Variants in GEN1 observed in about 807,000 individuals in gnomAD.
The protein encoded by GEN1 is GEN1 structure-specific endonuclease, also known as flap endonuclease GEN homolog 1.
In GEN1, 64 loss-of-function variants were observed where a neutral mutation model predicts 67.6. The ratio of observed to expected loss-of-function variants is 0.95; its 90% CI spans 0.77 to 1.17. GEN1 has a LOEUF of 1.17. Ranked by LOEUF, GEN1 falls within the 50% of genes most tolerant of loss-of-function variation. The pLI, the probability that GEN1 is intolerant of heterozygous loss-of-function variation, is 0.00. For missense variants in GEN1, 1,058 were observed against 1,048.3 expected, an observed-to-expected ratio of 1.01 and a Z score of -0.13; for synonymous variants, 371 against 359.4, an observed-to-expected ratio of 1.03 and a Z score of -0.37.
intron 6 of GEN1, 57 bp downstream of exon 6, chr2:17,768,868 T>C: frequency 9.5e-7 from 1 of 1,047,432 alleles, no homozygotes. Context: ...CTGAACTTAA[T>C]AACGAATAGT....
chr2:17,759,270 A>G (rs913535510), intron 1 of GEN1, among the ~76,000 whole-genome samples: 40 of 152,246 alleles, frequency 2.6e-4, no homozygotes, highest in Non-Finnish European at 3.2e-4. Context: ...AAGCTGGCCT[A>G]TAGAAAATAC....
rs1487888619 is a variant in GEN1, at chr2:17,788,723, C to A, written c.*6784C>A. 2 of 152,364 alleles carry A rather than the reference C, an allele frequency of 1.3e-5. No homozygotes were observed. Among genetic ancestry groups the A allele is most frequent in the African/African-American group, 4.8e-5 (2 of 41,592 alleles). 9.4% of individuals were successfully genotyped at this position (152,364 alleles called of 1,614,324 possible). On this transcript the variant is annotated 3_prime_UTR_variant, in exon 14 of 14. Coordinates refer to ENST00000381254, the MANE Select transcript of GEN1 (RefSeq NM_001130009.3). ...AGTTAAATCTTCATCTACCACCCAA[C>A]TGATACCTGCCTTTCTGTGAGTGAA...
At chr2:17,755,665 T>C (rs1671400065) in intron 1 of GEN1, 1 of 152,220 alleles carries the variant, frequency 6.6e-6, no homozygotes, top group Non-Finnish European at 1.5e-5. Flanking sequence ...AATTTAAGCA[T>C]TTTCTGCTTT....
intron 3 of GEN1, among the ~76,000 whole-genome samples, chr2:17,763,057 T>A (rs1448837181): frequency 6.6e-6 from 1 of 152,248 alleles, no homozygotes; most frequent in East Asian, 1.9e-4. Context: ...TTTACCTACT[T>A]ACCTCTTGAG....
chr2:17,771,816 G>A (rs758946487), intron 7 of GEN1, among the ~76,000 whole-genome samples: 21 of 149,680 alleles, frequency 1.4e-4, no homozygotes, highest in Non-Finnish European at 2.5e-4. Flanking sequence ...TACGGAACAC[G>A]TACTGGATCA....
At position 17,773,090 on chromosome 2, in the gene GEN1, T is replaced by C. The variant is rs778398512; in HGVS notation, c.954-6T>C. On this transcript the variant is annotated splice_polypyrimidine_tract_variant and splice_region_variant and intron_variant, in intron 8 of 13. Coordinates refer to ENST00000381254, the MANE Select transcript of GEN1 (RefSeq NM_001130009.3). ...AGTAATAACATGTATATAATTTTTT[T>C]TTCAGGAAAGCTTGCTGTTGTGAGG... 1.9e-6 allele frequency: 3 copies of C among 1,564,166 alleles called. No individual in the cohort carries two copies. In the South Asian group the frequency reaches 3.4e-5, roughly 18 times the overall value.
At position 17,781,569 on chromosome 2, in the gene GEN1, C is replaced by G. The variant is rs537198684; in HGVS notation, c.2357C>G (p.Thr786Ser). ...AGTAGAAAAGTTGATATGCAAACCA[C>G]TCGGAAAATTTTAATGAAGAAGAGT... The part of the protein sequence containing the change: ...DHSRKVDMQT[T>S]RKILMKKSVC... The change falls in exon 14 of 14, where the codon ACT becomes AGT. Residue 786 changes from threonine to serine, a missense_variant. By Grantham distance (58) the Thr-to-Ser change is moderately conservative. Coordinates refer to ENST00000381254, the MANE Select transcript of GEN1 (RefSeq NM_001130009.3). 1 of 1,613,920 alleles carries G rather than the reference C, an allele frequency of 6.2e-7. No homozygotes were observed. Among genetic ancestry groups the G allele is most frequent in the South Asian group, 1.1e-5 (1 of 91,068 alleles).
chr2:17,768,632 G>T, intron 5 of GEN1, 106 bp from the exon 6 acceptor site: 1 of 769,756 alleles, frequency 1.3e-6, no homozygotes, highest in Non-Finnish European at 2.2e-6. Context: ...CTTTATTGAA[G>T]AGTTACCTCA....
rs1235376125 is a variant in GEN1, at chr2:17,778,339, T to TAC, written c.1264+284_1264+285dup. 3.9e-3 allele frequency among the ~76,000 whole-genome samples: 147 copies of TAC among 37,960 alleles called. 54 individuals are homozygous for TAC. Among genetic ancestry groups the TAC allele is most frequent in the Non-Finnish European group, 2.1e-3 (38 of 17,976 alleles). 24.9% of individuals were successfully genotyped at this position (37,960 alleles called of 152,430 possible). The stretch of plus-strand genomic sequence containing the variant: ...ACACACACACGTGTACATATATGTA[T>TAC]ACACACACATGTGTGTACATATATG... On this transcript the variant is annotated intron_variant, in intron 12 of 13. Coordinates refer to ENST00000381254, the MANE Select transcript of GEN1 (RefSeq NM_001130009.3).
rs1673023410 is a variant in GEN1 at position 17,785,382 on chromosome 2, C to T, written c.*3443C>T. On this transcript the variant is annotated 3_prime_UTR_variant, in exon 14 of 14. Transcript: ENST00000381254. ...CTTGTAAATCAAATCTTTTAAGTTG[C>T]TGCTTACGTATTTGCTCATCACTTC... 1 of 152,180 alleles carries T rather than the reference C, an allele frequency of 6.6e-6. No homozygotes were observed. Among genetic ancestry groups the T allele is most frequent in the African/African-American group, 2.4e-5 (1 of 41,444 alleles). The allele number at this position is 152,180 out of a possible 1,614,324, so 9.4% of individuals were successfully genotyped here. A position where few individuals can be genotyped will look rare whatever the true frequency, so the allele number is the denominator to read the frequency against.
At position 17,774,401 on chromosome 2, in the gene GEN1, G is replaced by A. The variant is rs755927285; in HGVS notation, c.1202G>A (p.Arg401Gln). 5.0e-6 allele frequency: 8 copies of A among 1,597,376 alleles called. No individual in the cohort carries two copies. Among genetic ancestry groups the A allele is most frequent in the Admixed American group, 3.4e-5 (2 of 58,122 alleles). ...SRNSNQLQPIRIVKTRIRNGV... is the reference protein window; with the variant it reads ...SRNSNQLQPIQIVKTRIRNGV... ...AACTCTAATCAACTACAGCCAATTCGGTAATGTAAAGAACTGTATGGTGAA... is the reference window on the plus strand; with the variant it reads ...AACTCTAATCAACTACAGCCAATTCAGTAATGTAAAGAACTGTATGGTGAA... Residue 401 changes from arginine (R) to glutamine (Q), a missense_variant and splice_region_variant, in exon 11 of 14, where the codon CGA (arginine) becomes CAA (glutamine). By Grantham distance (43) the Arg-to-Gln change is conservative. Coordinates refer to ENST00000381254, the MANE Select transcript of GEN1 (RefSeq NM_001130009.3).
At chr2:17,757,675 C>CG (rs1671494519) in intron 1 of GEN1, among the ~76,000 whole-genome samples, 4 of 152,148 alleles carry the variant, frequency 2.6e-5, no homozygotes, top group Non-Finnish European at 5.9e-5. Context: ...TTTCTCTTCC[C>CG]TCAAAAAGCT....
In GEN1 at chr2:17,781,645, G is replaced by T. The variant is rs778017011; in HGVS notation, c.2433G>T (p.Gly811=). 19 of 1,613,888 alleles carry T rather than the reference G, an allele frequency of 1.2e-5. No homozygotes were observed. The East Asian group carries it at 3.8e-4, about 32-fold the overall frequency. ...ATGAACAAAGTGCCCCAGTGTTTGG[G>T]AAAGCTAAGTACACAACTCAAAGAA... ...SSDEQSAPVF[G]KAKYTTQRMK... The change falls in exon 14 of 14, where the codon GGG becomes GGT. Residue 811 remains glycine, a synonymous_variant. Coordinates refer to ENST00000381254, the MANE Select transcript of GEN1 (RefSeq NM_001130009.3).
chr2:17,788,799 G>A lies in GEN1; in HGVS notation c.*6860G>A, dbSNP rs139632637. ...ATGCTTTCAATCTGAAAGTCAGAAA[G>A]TGATTTATGAAACACCCAGGTGAGG... On this transcript the variant is annotated 3_prime_UTR_variant, in exon 14 of 14. Transcript: ENST00000381254. The A allele has an allele frequency of 6.6e-6, 1 of 152,336 alleles. No homozygotes were observed. Among genetic ancestry groups the A allele is most frequent in the Non-Finnish European group, 1.5e-5 (1 of 68,034 alleles). The allele number at this position is 152,336 out of a possible 1,614,324, so 9.4% of individuals were successfully genotyped here.
intron 1 of GEN1, chr2:17,755,537 C>G (rs752957699): frequency 6.6e-6 from 1 of 152,090 alleles, no homozygotes; most frequent in Non-Finnish European, 1.5e-5. Context: ...TTTTAAAGAA[C>G]AGCATTAGTT....
Position 17,788,174 on chromosome 2 carries a change from G to A in GEN1, c.*6235G>A, listed in dbSNP as rs1401020744. Reference sequence around the variant, plus strand: ...CACTTAGGGTAAAACAGCTTAAATAGTATTACTGAAGGCAGCCTCCTTTCA... The same window carrying A: ...CACTTAGGGTAAAACAGCTTAAATAATATTACTGAAGGCAGCCTCCTTTCA... On this transcript the variant is annotated 3_prime_UTR_variant, in exon 14 of 14. Coordinates refer to ENST00000381254, the MANE Select transcript of GEN1 (RefSeq NM_001130009.3). The A allele has an allele frequency of 6.6e-6, 1 of 152,218 alleles. No homozygotes were observed. The highest frequency in any genetic ancestry group is 6.5e-5 in the Admixed American group (1 of 15,290). 9.4% of individuals were successfully genotyped at this position (152,218 alleles called of 1,614,324 possible).
chr2:17,778,011 G>T lies in GEN1; in HGVS notation c.1212G>T (p.Lys404Asn), dbSNP rs1272894723. 5 of 1,587,560 alleles carry T rather than the reference G, an allele frequency of 3.1e-6. No individual in the cohort carries two copies. The highest frequency in any genetic ancestry group is 4.3e-6 in the Non-Finnish European group (5 of 1,157,960). The change falls in exon 12 of 14, where the codon AAG (lysine) becomes AAT (asparagine). Residue 404 changes from lysine to asparagine, a missense_variant. Transcript: ENST00000381254. ...TGAATTTGTTTTTCAGAATTGTTAA[G>T]ACTCGAATCAGAAATGGAGTTCATT... ...SNQLQPIRIV[K>N]TRIRNGVHCF... is the part of the protein sequence containing the mutation.
At chr2:17,757,447 AATGTG>A in intron 1 of GEN1, among the ~76,000 whole-genome samples, 1 of 152,224 alleles carries the variant, frequency 6.6e-6, no homozygotes. Context: ...CCTATATATA[AATGTG>A]TGTTTATGTG....
chr2:17,760,438 C>T (rs1456088420), intron 2 of GEN1, among the ~76,000 whole-genome samples: 1 of 152,116 alleles, frequency 6.6e-6, no homozygotes, highest in Non-Finnish European at 1.5e-5. Flanking sequence ...AGTTCTACCT[C>T]CAAAATATAC....
Sources: gnomAD v4.1 joint callset for allele counts (sites outside exome capture counted in the v4.1 genomes callset) on GRCh38, gnomAD v4.1.1 for gene constraint, MANE v1.5 for transcripts, NCBI Gene and HGNC (gene_info 2026-07-23, HGNC 2026-07-21) for gene names.